The following ATXN7L1 variants were observed in gnomAD, a reference collection of about 807,000 sequenced individuals.
The protein encoded by ATXN7L1 is ataxin 7 like 1, also known as ataxin-7-like protein 1.
A neutral mutation model predicts 70.8 loss-of-function variants in ATXN7L1; 15 were observed. That is an observed-to-expected ratio of 0.21 (90% CI 0.14 to 0.33). The LOEUF (loss-of-function observed/expected upper bound fraction) is 0.33. Ranked by LOEUF, ATXN7L1 falls within the 10% of genes least tolerant of loss-of-function variation. The pLI, the probability that ATXN7L1 is intolerant of heterozygous loss-of-function variation, is 1.00. For missense variants in ATXN7L1, 975 were observed against 1,097.1 expected (o/e 0.89, Z 1.57); for synonymous variants, 440 against 445.1 (o/e 0.99, Z 0.14).
At chr7:105,658,184 A>G (rs1264112427) in intron 4 of ATXN7L1, among the ~76,000 whole-genome samples, 1 of 150,556 alleles carries the variant, frequency 6.6e-6, no homozygotes, top group Non-Finnish European at 1.5e-5. Context: ...ACCCCTGCAC[A>G]CTGGCCTGGG....
chr7:105,811,464 T>C (rs1808419484), intron 2 of ATXN7L1, among the ~76,000 whole-genome samples: 1 of 152,166 alleles, frequency 6.6e-6, no homozygotes, highest in African/African-American at 2.4e-5. Flanking sequence ...TTGTGGTACT[T>C]TGTTGCGGCA....
chr7:105,808,235 C>A (rs1181229716), intron 2 of ATXN7L1, among the ~76,000 whole-genome samples: 1 of 152,282 alleles, frequency 6.6e-6, no homozygotes, highest in South Asian at 2.1e-4. Flanking sequence ...TTGTCCCCAG[C>A]CAAGTGTTTT....
At chr7:105,791,262 A>G (rs1195977340) in intron 2 of ATXN7L1, among the ~76,000 whole-genome samples, 46 of 152,234 alleles carry the variant, frequency 3.0e-4, no homozygotes, top group Admixed American at 3.0e-3. Flanking sequence ...CACAGGCCCA[A>G]CTGTATTTTA....
chr7:105,776,891 T>C (rs2116453821), intron 3 of ATXN7L1, among the ~76,000 whole-genome samples: 1 of 152,320 alleles, frequency 6.6e-6, no homozygotes, highest in South Asian at 2.1e-4. Flanking sequence ...TGCCTCAGCC[T>C]CCTGAGTAGC....
chr7:105,750,594 G>A (rs1799088671), intron 3 of ATXN7L1, among the ~76,000 whole-genome samples: 2 of 148,246 alleles, frequency 1.3e-5, no homozygotes, highest in African/African-American at 4.9e-5. Context: ...CTGAGGTCAG[G>A]CGTTCGAGAC....
At position 105,788,662 on chromosome 7, in the gene ATXN7L1, G is replaced by A. The variant is rs748556180; in HGVS notation, c.297C>T (p.Leu99=). 32 of 1,613,874 alleles carry A rather than the reference G, an allele frequency of 2.0e-5. 1 individual carries two copies. Among genetic ancestry groups the A allele is most frequent in the South Asian group, 1.3e-4 (12 of 91,078 alleles). Residue 99 remains leucine, a synonymous_variant, in exon 3 of 12, where the codon CTC becomes CTT. Coordinates refer to ENST00000419735, the MANE Select transcript of ATXN7L1 (RefSeq NM_020725.2). ...CCTGGTTACAGGCACTGCACACTAC[G>A]AGATAGAAGTCGTCATGTGCTGGGT... The part of the protein sequence containing the change: ...GHYPAHDDFY[L]VVCSACNQVV...
At chr7:105,609,711 C>T (rs552351249) in intron 11 of ATXN7L1, among the ~76,000 whole-genome samples, 25 of 152,256 alleles carry the variant, frequency 1.6e-4, no homozygotes, top group Admixed American at 6.5e-4. Flanking sequence ...ATCCTCCTGC[C>T]TCGGCCTCCC....
intron 3 of ATXN7L1, among the ~76,000 whole-genome samples, chr7:105,676,186 C>A (rs1204604610): frequency 6.6e-6 from 1 of 152,180 alleles, no homozygotes; most frequent in Non-Finnish European, 1.5e-5. Context: ...AACATGAGGC[C>A]TTTTATGGCT....
At chr7:105,739,202 A>G (rs1019324276) in intron 3 of ATXN7L1, among the ~76,000 whole-genome samples, 19 of 152,372 alleles carry the variant, frequency 1.2e-4, no homozygotes, top group Middle Eastern at 3.4e-3. Context: ...AAGCAACAGC[A>G]TCAATGGGAG....
intron 9 of ATXN7L1, chr7:105,617,760 C>T (rs558286890): frequency 2.8e-6 from 1 of 359,962 alleles, no homozygotes; most frequent in Non-Finnish European, 5.5e-6. Flanking sequence ...CCAACCTCCC[C>T]TGCCAGGTGG....
intron 2 of ATXN7L1, among the ~76,000 whole-genome samples, chr7:105,855,168 T>C (rs150345552): frequency 0.03 from 4,517 of 152,284 alleles, 232 homozygotes; most frequent in African/African-American, 0.1. Context: ...TTGGCCAGGA[T>C]GGTCTTGATC....
At chr7:105,653,480 CTA>C (rs1374461771) in intron 4 of ATXN7L1, among the ~76,000 whole-genome samples, 15 of 152,124 alleles carry the variant, frequency 9.9e-5, no homozygotes, top group Admixed American at 9.8e-4. Flanking sequence ...CCAAAAAACT[CTA>C]TGTTAACAAT....
chr7:105,814,845 G>C (rs1315038666), intron 2 of ATXN7L1, among the ~76,000 whole-genome samples: 1 of 152,196 alleles, frequency 6.6e-6, no homozygotes, highest in Non-Finnish European at 1.5e-5. Context: ...CTTTAAATAA[G>C]AAGAGAATGT....
chr7:105,779,049 CT>C (rs1803170340), intron 3 of ATXN7L1, among the ~76,000 whole-genome samples: 1 of 152,192 alleles, frequency 6.6e-6, no homozygotes, highest in East Asian at 1.9e-4. Flanking sequence ...ATGGAAATGA[CT>C]TTTCTGCATC....
chr7:105,639,608 A>G, intron 5 of ATXN7L1, 39 bp from the exon 6 acceptor site: 2 of 1,426,594 alleles, frequency 1.4e-6, no homozygotes, highest in Non-Finnish European at 1.9e-6. Flanking sequence ...AGAAAAAAGG[A>G]GACTAAATAG....
chr7:105,752,869 C>T (rs186390418), intron 3 of ATXN7L1, among the ~76,000 whole-genome samples: 13 of 152,252 alleles, frequency 8.5e-5, no homozygotes, highest in African/African-American at 2.6e-4. Flanking sequence ...GTTTACCCTC[C>T]CGGTACAAAG....
Position 105,639,491 on chromosome 7 carries a change from C to G in ATXN7L1, c.941G>C (p.Cys314Ser). ...TTTTTATGGAAAGAGAAATACCTTGCAGGTGAGGGATCTTGTGCAAGGTTT... is the reference window on the plus strand; with the variant it reads ...TTTTTATGGAAAGAGAAATACCTTGGAGGTGAGGGATCTTGTGCAAGGTTT... ...TKKPCTRSLT[C>S]KTHSLSHRRA... The change falls in exon 6 of 12, where the codon TGC becomes TCC. Residue 314 changes from cysteine to serine, a missense_variant. Physicochemically the swap from Cys to Ser is moderately radical, Grantham distance 112 (BLOSUM62 -1). Transcript: ENST00000419735. The G allele has an allele frequency of 6.5e-7, 1 of 1,549,412 alleles. No individual in the cohort carries two copies. Among genetic ancestry groups the G allele is most frequent in the Non-Finnish European group, 8.7e-7 (1 of 1,145,002 alleles).
intron 2 of ATXN7L1, among the ~76,000 whole-genome samples, chr7:105,848,652 AGATGACAGG>A (rs1330934089): frequency 6.6e-6 from 1 of 152,232 alleles, no homozygotes; most frequent in Non-Finnish European, 1.5e-5. Context: ...GGTTAATTCC[AGATGACAGG>A]GGTATAGGCT....
intron 3 of ATXN7L1, among the ~76,000 whole-genome samples, chr7:105,754,852 C>A (rs776631264): frequency 2.6e-5 from 4 of 152,186 alleles, no homozygotes; most frequent in Non-Finnish European, 5.9e-5. Flanking sequence ...TAAGCAAAAC[C>A]AGGTAAGGTC....
Sources: allele counts gnomAD v4.1 joint callset (sites outside exome capture counted in the v4.1 genomes callset), GRCh38; gene constraint gnomAD v4.1.1; transcripts MANE v1.5; gene names NCBI Gene and HGNC (gene_info 2026-07-23, HGNC 2026-07-21).